The following TTC27 variants were observed in gnomAD, a reference collection of about 807,000 sequenced individuals.
TTC27 encodes the protein tetratricopeptide repeat domain 27, also known as tetratricopeptide repeat protein 27.
TTC27 carries 79 observed loss-of-function variants against 115.9 expected under a neutral mutation model. That is an observed-to-expected ratio of 0.68 (90% CI 0.57 to 0.82). The LOEUF (loss-of-function observed/expected upper bound fraction) is 0.82. TTC27 is among the 40% of genes least tolerant of loss of function. The pLI, the probability that TTC27 is intolerant of heterozygous loss-of-function variation, is 0.00. For missense variants in TTC27, 1,054 were observed against 993.1 expected, an observed-to-expected ratio of 1.06 and a Z score of -0.82; for synonymous variants, 401 against 356.0, an observed-to-expected ratio of 1.13 and a Z score of -1.42.
chr2:32,650,609 C>T (rs1665082052), intron 5 of TTC27, among the ~76,000 whole-genome samples: 1 of 151,650 alleles, frequency 6.6e-6, no homozygotes, highest in Non-Finnish European at 1.5e-5. Flanking sequence ...TAAAAAAAGT[C>T]CTTAACTAAC....
At chr2:32,698,884 T>A (rs1317348719) in intron 9 of TTC27, among the ~76,000 whole-genome samples, 1 of 152,178 alleles carries the variant, frequency 6.6e-6, no homozygotes, top group Non-Finnish European at 1.5e-5. Flanking sequence ...GTCACAGTAA[T>A]AAAAGTATTA....
intron 12 of TTC27, among the ~76,000 whole-genome samples, chr2:32,750,549 T>C: frequency 6.6e-6 from 1 of 152,232 alleles, no homozygotes; most frequent in Non-Finnish European, 1.5e-5. Context: ...CATATGACTA[T>C]GCAAGGGTTT....
intron 16 of TTC27, among the ~76,000 whole-genome samples, chr2:32,806,425 G>A (rs530284009): frequency 1.3e-5 from 2 of 152,234 alleles, no homozygotes; most frequent in Middle Eastern, 3.4e-3. Context: ...TACTGCTTTT[G>A]CAGTCAGTCT....
chr2:32,659,128 CTAA>C (rs1465794997), intron 5 of TTC27, among the ~76,000 whole-genome samples: 3 of 152,088 alleles, frequency 2.0e-5, no homozygotes, highest in South Asian at 4.1e-4. Context: ...CCATGCCTGA[CTAA>C]TATTTTTATT....
In TTC27 at chr2:32,812,194, T is replaced by G. The variant is rs73924062; in HGVS notation, c.2197-310T>G. On this transcript the variant is annotated intron_variant, in intron 17 of 19. Transcript: ENST00000317907. ...GTTCATGCCTCATTCTCTAAACAGG[T>G]TTTTTAAACTGATGGCTACAAATGC... is the stretch of plus-strand genomic sequence containing the variant. Among the ~76,000 whole-genome samples, 324 of 152,302 alleles carry G rather than the reference T, an allele frequency of 2.1e-3. 1 individual carries two copies. The highest frequency in any genetic ancestry group is 7.3e-3 in the African/African-American group (305 of 41,572).
intron 14 of TTC27, among the ~76,000 whole-genome samples, chr2:32,781,491 T>C (rs1180390687): frequency 1.3e-5 from 2 of 152,190 alleles, no homozygotes; most frequent in Non-Finnish European, 1.5e-5. Context: ...CTTGGTTTTA[T>C]TCTGTTCTTT....
intron 5 of TTC27, among the ~76,000 whole-genome samples, chr2:32,663,087 G>T (rs544858341): frequency 1.3e-5 from 2 of 152,322 alleles, no homozygotes; most frequent in East Asian, 3.9e-4. Context: ...AGAATTTCAA[G>T]CCAGTGGATC....
At chr2:32,774,221 G>A (rs1247569633) in intron 13 of TTC27, among the ~76,000 whole-genome samples, 1 of 135,378 alleles carries the variant, frequency 7.4e-6, no homozygotes, top group Non-Finnish European at 1.6e-5. Flanking sequence ...TCATTTTTTA[G>A]CCCAGGCCAG....
At chr2:32,702,648 A>G (rs1263812388) in intron 9 of TTC27, among the ~76,000 whole-genome samples, 159 bp from the exon 10 acceptor site, 1 of 152,242 alleles carries the variant, frequency 6.6e-6, no homozygotes, top group African/African-American at 2.4e-5. Context: ...TTTCTGTAAT[A>G]CAAATTGAGA....
chr2:32,755,210 A>T (rs1669183743), intron 12 of TTC27, among the ~76,000 whole-genome samples: 1 of 152,172 alleles, frequency 6.6e-6, no homozygotes, highest in Non-Finnish European at 1.5e-5. Context: ...CAATCTCGGC[A>T]CTTTGGGAGG....
At chr2:32,705,001 A>C (rs1156280311) in intron 10 of TTC27, 1 of 459,308 alleles carries the variant, frequency 2.2e-6, no homozygotes, top group Non-Finnish European at 4.5e-6. Context: ...AGGAAGTGAT[A>C]TGGTTTGAGT....
chr2:32,667,852 G>A (rs111948161), intron 7 of TTC27, among the ~76,000 whole-genome samples: 2,192 of 147,636 alleles, frequency 0.015, 47 homozygotes, highest in African/African-American at 0.052. Flanking sequence ...TCAGGAGTTC[G>A]AGCCCAGTCT....
chr2:32,814,717 C>A (rs966721104), intron 18 of TTC27, among the ~76,000 whole-genome samples: 8 of 152,158 alleles, frequency 5.3e-5, no homozygotes, highest in African/African-American at 1.9e-4. Context: ...GTTCTGATTG[C>A]CTGCAGTGTT....
At chr2:32,667,686 G>C (rs1474152137) in intron 7 of TTC27, among the ~76,000 whole-genome samples, 3 of 150,778 alleles carry the variant, frequency 2.0e-5, no homozygotes, top group Admixed American at 1.3e-4. Flanking sequence ...AAAGTGCTGG[G>C]ATTACAGGCG....
At chr2:32,818,942 C>G (rs946287012) in intron 19 of TTC27, among the ~76,000 whole-genome samples, 5 of 152,090 alleles carry the variant, frequency 3.3e-5, no homozygotes, top group Non-Finnish European at 5.9e-5. Flanking sequence ...ATATTTCCTC[C>G]TAGCTTGGCA....
At chr2:32,785,518 C>CT (rs1208113380) in intron 15 of TTC27, among the ~76,000 whole-genome samples, 1 of 152,106 alleles carries the variant, frequency 6.6e-6, no homozygotes, top group Non-Finnish European at 1.5e-5. Context: ...GTGTGAACTC[C>CT]TTACTATTAT....
Position 32,628,349 on chromosome 2 carries a change from G to A in TTC27, c.57G>A (p.Gln19=). 2 of 1,607,526 alleles carry A rather than the reference G, an allele frequency of 1.2e-6. No homozygotes were observed. The highest frequency in any genetic ancestry group is 1.7e-6 in the Non-Finnish European group (2 of 1,178,020). ...GATTCCCCACTGAGGCTGAGCGGCA[G>A]CAATGGAAACAGGAGGGGGTCGTCG... ...LRGFPTEAER[Q]QWKQEGVVGS... The change falls in exon 1 of 20, where the codon CAG becomes CAA. Residue 19 remains glutamine, a synonymous_variant. Coordinates refer to ENST00000317907, the MANE Select transcript of TTC27 (RefSeq NM_017735.5).
chr2:32,658,280 G>C (rs1665411573), intron 5 of TTC27, among the ~76,000 whole-genome samples: 1 of 152,056 alleles, frequency 6.6e-6, no homozygotes, highest in Non-Finnish European at 1.5e-5. Context: ...GTATTACCAT[G>C]CTTGGCTAAT....
intron 12 of TTC27, among the ~76,000 whole-genome samples, chr2:32,749,151 A>G (rs1416193662): frequency 6.6e-6 from 1 of 152,196 alleles, no homozygotes; most frequent in Admixed American, 6.5e-5. Flanking sequence ...GTTTGCCCCA[A>G]CTGTTATTTA....
Sources: allele counts gnomAD v4.1 joint callset (sites outside exome capture counted in the v4.1 genomes callset), GRCh38; gene constraint gnomAD v4.1.1; transcripts MANE v1.5; gene names NCBI Gene and HGNC (gene_info 2026-07-23, HGNC 2026-07-21).